The following GOLGA4 variants were observed in gnomAD, a reference collection of about 807,000 sequenced individuals.
GOLGA4 encodes golgin A4, also known as golgin subfamily A member 4.
A neutral mutation model predicts 265.9 loss-of-function variants in GOLGA4; 169 were observed. The ratio of observed to expected loss-of-function variants is 0.64; its 90% CI spans 0.56 to 0.72. GOLGA4 has a LOEUF of 0.72. Ranked by LOEUF, GOLGA4 falls within the 30% of genes least tolerant of loss-of-function variation. The pLI is 0.00. For missense variants in GOLGA4, 2,482 were observed against 2,483.4 expected, an observed-to-expected ratio of 1.00 and a Z score of 0.01; for synonymous variants, 923 against 855.8, an observed-to-expected ratio of 1.08 and a Z score of -1.37.
At chr3:37,253,018 G>A (rs1429860131) in intron 2 of GOLGA4, among the ~76,000 whole-genome samples, 1 of 152,112 alleles carries the variant, frequency 6.6e-6, no homozygotes, top group African/African-American at 2.4e-5. Context: ...GAAGGCCAAG[G>A]CAGGAGGATT....
At chr3:37,276,021 G>A in intron 2 of GOLGA4, 3 of 1,613,006 alleles carry the variant, frequency 1.9e-6, no homozygotes, top group Non-Finnish European at 2.5e-6. Context: ...AGTACTTCCA[G>A]CGGCAATGTA....
In GOLGA4 at chr3:37,335,077, A is replaced by G; in HGVS notation, c.6217A>G (p.Lys2073Glu). 1 of 1,604,634 alleles carries G rather than the reference A, an allele frequency of 6.2e-7. No individual in the cohort carries two copies. The highest frequency in any genetic ancestry group is 8.5e-7 in the Non-Finnish European group (1 of 1,173,648). The change falls in exon 17 of 24, where the codon AAA becomes GAA. Residue 2073 changes from lysine to glutamate, a missense_variant. Transcript: ENST00000361924. Reference protein sequence around the residue: ...LDAREEEMTAKVRDLQTQLEE... With the variant: ...LDAREEEMTAEVRDLQTQLEE... ...GGCTCGTGAAGAAGAAATGACTGCA[A>G]AAGTAAGGGACCTGCAGACTCAACT...
chr3:37,312,315 T>C (rs1388983094), intron 10 of GOLGA4, among the ~76,000 whole-genome samples: 1 of 152,250 alleles, frequency 6.6e-6, no homozygotes, highest in Non-Finnish European at 1.5e-5. Context: ...TTAGTCACTT[T>C]ACTTGACTGA....
intron 10 of GOLGA4, among the ~76,000 whole-genome samples, chr3:37,313,210 A>G (rs1266901458): frequency 6.6e-6 from 1 of 152,192 alleles, no homozygotes. Context: ...CTCAAAAGAA[A>G]AAAAAAGATA....
rs144384981 is a variant in GOLGA4 at position 37,361,705 on chromosome 3, G to A, written c.*33+400G>A. Among the ~76,000 whole-genome samples the A allele has an allele frequency of 6.2e-3, 948 of 152,260 alleles. 12 individuals carry two copies. The highest frequency in any genetic ancestry group is 0.022 in the African/African-American group (899 of 41,546). ...AGATAAAAATGAAGTGGTATATTCC[G>A]TGAGAATTCAAAATCCTGTAAAGCC... On this transcript the variant is annotated intron_variant, in intron 23 of 23. Transcript: ENST00000361924.
At chr3:37,251,181 G>A (rs1376655803) in intron 1 of GOLGA4, among the ~76,000 whole-genome samples, 1 of 152,148 alleles carries the variant, frequency 6.6e-6, no homozygotes, top group Admixed American at 6.6e-5. Context: ...TAAGATCATA[G>A]TTCTAGTTGG....
intron 20 of GOLGA4, among the ~76,000 whole-genome samples, chr3:37,343,168 C>CT (rs1424373082): frequency 6.6e-6 from 1 of 152,202 alleles, no homozygotes; most frequent in Non-Finnish European, 1.5e-5. Context: ...GTTGCCCATG[C>CT]TGGAGCGCAA....
At chr3:37,266,503 ATTG>A (rs2096784165) in intron 2 of GOLGA4, among the ~76,000 whole-genome samples, 1 of 151,996 alleles carries the variant, frequency 6.6e-6, no homozygotes, top group Non-Finnish European at 1.5e-5. Context: ...CGGCCCATGT[ATTG>A]TTGTTAATTG....
At chr3:37,246,834 T>A (rs1239505049) in intron 1 of GOLGA4, among the ~76,000 whole-genome samples, 1 of 152,144 alleles carries the variant, frequency 6.6e-6, no homozygotes, top group Non-Finnish European at 1.5e-5. Flanking sequence ...TCATCCCTTA[T>A]TTTTTTCCCT....
chr3:37,325,096 A>C lies in GOLGA4; in HGVS notation c.3210A>C (p.Glu1070Asp). ...ATGAAATCCAATTACAGGAAAAAGA[A>C]CAAGAGGTAGCAGAACTGAAACAAA... The part of the protein sequence containing the change: ...EIHEIQLQEK[E>D]QEVAELKQKI... The change falls in exon 14 of 24, where the codon GAA becomes GAC. Residue 1070 changes from glutamate (E) to aspartate (D), a missense_variant. Physicochemically the swap from Glu to Asp is conservative, Grantham distance 45 (BLOSUM62 2). This residue lies in a region of GOLGA4 where 1,536 missense variants were observed against 1,483.7 expected (regional missense o/e 1.04). Transcript: ENST00000361924. The C allele has an allele frequency of 1.2e-6, 2 of 1,612,988 alleles. No homozygotes were observed. Among genetic ancestry groups the C allele is most frequent in the Non-Finnish European group, 1.7e-6 (2 of 1,179,350 alleles).
Position 37,355,179 on chromosome 3 carries a change from C to A in GOLGA4, c.6655C>A (p.Arg2219=). The A allele has an allele frequency of 6.4e-7, 1 of 1,563,600 alleles. No individual in the cohort carries two copies. The highest frequency in any genetic ancestry group is 8.8e-7 in the Non-Finnish European group (1 of 1,134,304). The change falls in exon 22 of 24, where the codon CGG becomes AGG. Residue 2219 remains arginine, a synonymous_variant. Coordinates refer to ENST00000361924, the MANE Select transcript of GOLGA4 (RefSeq NM_002078.5). The part of the protein sequence containing the change: ...TQKILEREDA[R]LMFTSPRSGI... ...GAAAATTTTGGAAAGAGAAGATGCT[C>A]GGCTGATGGTAAGTTCTGGAAGTGG...
chr3:37,280,972 A>G (rs577398313), intron 2 of GOLGA4, among the ~76,000 whole-genome samples: 1 of 151,964 alleles, frequency 6.6e-6, no homozygotes. Flanking sequence ...GAATCTTTTT[A>G]TTTTCCTGTA....
intron 2 of GOLGA4, among the ~76,000 whole-genome samples, chr3:37,259,992 C>T (rs1012476503): frequency 2.6e-5 from 4 of 152,090 alleles, no homozygotes; most frequent in African/African-American, 7.2e-5. Context: ...TCTTCACCTG[C>T]TGCTACTGTA....
intron 2 of GOLGA4, among the ~76,000 whole-genome samples, chr3:37,266,099 A>G (rs999885005): frequency 1.3e-5 from 2 of 151,610 alleles, no homozygotes; most frequent in African/African-American, 4.8e-5. Context: ...TGCTATAGAG[A>G]AGATCTCGAT....
intron 4 of GOLGA4, among the ~76,000 whole-genome samples, chr3:37,288,774 G>A (rs1047712818): frequency 1.3e-5 from 2 of 152,092 alleles, no homozygotes; most frequent in Admixed American, 6.6e-5. Context: ...CACTGCGCCC[G>A]GCTGGTTTTG....
intron 10 of GOLGA4, among the ~76,000 whole-genome samples, chr3:37,309,722 A>G (rs1348983995): frequency 1.3e-5 from 2 of 152,252 alleles, no homozygotes; most frequent in Non-Finnish European, 2.9e-5. Context: ...TTGGCTTAAT[A>G]AAATGCAGCT....
intron 23 of GOLGA4, among the ~76,000 whole-genome samples, chr3:37,362,625 T>A (rs1452888218): frequency 2.0e-5 from 3 of 151,642 alleles, no homozygotes; most frequent in Non-Finnish European, 4.4e-5. Context: ...CTGTGTCAGC[T>A]CCTGGGCTCA....
intron 7 of GOLGA4, among the ~76,000 whole-genome samples, chr3:37,297,178 C>A (rs750196096): frequency 6.6e-6 from 1 of 152,282 alleles, no homozygotes; most frequent in Admixed American, 6.5e-5. Context: ...GCCTTCTTTG[C>A]TTTGAGGCTT....
At chr3:37,315,863 A>C (rs2096936269) in intron 11 of GOLGA4, among the ~76,000 whole-genome samples, 1 of 152,210 alleles carries the variant, frequency 6.6e-6, no homozygotes, top group Non-Finnish European at 1.5e-5. Flanking sequence ...CCCGACTCTT[A>C]GGCACCTTGA....
Sources: allele counts gnomAD v4.1 joint callset (sites outside exome capture counted in the v4.1 genomes callset), GRCh38; gene constraint gnomAD v4.1.1; regional missense constraint gnomAD v4.1.1; transcripts MANE v1.5; gene names NCBI Gene and HGNC (gene_info 2026-07-23, HGNC 2026-07-21).